CTDSP1: variants seen among roughly 807,000 people sequenced by gnomAD.
The protein encoded by CTDSP1 is CTD small phosphatase 1.
Under a neutral mutation model 32.5 loss-of-function variants are expected in CTDSP1, and 15 were observed. That is an observed-to-expected ratio of 0.46 (90% CI 0.31 to 0.71). CTDSP1 has a LOEUF of 0.71. CTDSP1 is among the 30% of genes least tolerant of loss of function. CTDSP1 has a pLI of 0.05. For synonymous variants in CTDSP1, 185 were observed against 145.4 expected, an observed-to-expected ratio of 1.27 and a Z score of -1.96; for missense variants, 294 against 351.1, an observed-to-expected ratio of 0.84 and a Z score of 1.30.
Position 218,404,301 on chromosome 2 carries a change from C to T in CTDSP1, c.662C>T (p.Pro221Leu). The T allele has an allele frequency of 1.9e-6, 3 of 1,614,052 alleles. No homozygotes were observed. Among genetic ancestry groups the T allele is most frequent in the Non-Finnish European group, 2.5e-6 (3 of 1,179,956 alleles). The change falls in exon 7 of 7, where the codon CCG becomes CTG. Residue 221 changes from proline to leucine, a missense_variant. Physicochemically the swap from Pro to Leu is moderately conservative, Grantham distance 98. Coordinates refer to ENST00000273062, the MANE Select transcript of CTDSP1 (RefSeq NM_021198.3). ...SYVFHPDNAVPVASWFDNMSD... is the reference protein window; with the variant it reads ...SYVFHPDNAVLVASWFDNMSD... ...TTCCTACACCCACTTCCCCAGGTAC[C>T]GGTGGCCTCGTGGTTTGACAACATG... is the stretch of plus-strand genomic sequence containing the variant.
chr2:218,397,626 A>T (rs962597113), upstream of CTDSP1, among the ~76,000 whole-genome samples: 9 of 152,176 alleles, frequency 5.9e-5, no homozygotes, highest in African/African-American at 2.2e-4. Context: ...GGCCCCCATG[A>T]TTTTATTTTT....
chr2:218,404,395 A>G lies in CTDSP1; in HGVS notation c.756A>G (p.Ser252=), dbSNP rs148495938. ...TCAGCCGTGTGGACGACGTGTACTC[A>G]GTGCTCAGGCAGCCACGGCCAGGGA... ...EQLSRVDDVY[S]VLRQPRPGS The change falls in exon 7 of 7, where the codon TCA becomes TCG. Residue 252 remains serine (S), a synonymous_variant. Coordinates refer to ENST00000273062, the MANE Select transcript of CTDSP1 (RefSeq NM_021198.3). 8.1e-6 allele frequency: 13 copies of G among 1,613,990 alleles called. No individual in the cohort carries two copies. The highest frequency in any genetic ancestry group is 1.7e-5 in the Admixed American group (1 of 59,992).
At chr2:218,396,945 G>A (rs536365857), upstream of CTDSP1, 3 of 152,550 alleles carry the variant, frequency 2.0e-5, no homozygotes, top group African/African-American at 7.2e-5. Flanking sequence ...CCCTGTGGCA[G>A]GATGCGGTGA....
chr2:218,400,039 G>A lies in CTDSP1; in HGVS notation c.-52G>A. 1 of 1,354,168 alleles carries A rather than the reference G, an allele frequency of 7.4e-7. No individual in the cohort carries two copies. The highest frequency in any genetic ancestry group is 9.5e-7 in the Non-Finnish European group (1 of 1,050,106). The allele number at this position is 1,354,168 out of a possible 1,614,324, so 83.9% of individuals were successfully genotyped here. ...CCCGATTCCGGCCCCAGCCGGGGGG[G>A]AGGCCGGGCGCCCGGGCCAGAGTCC... On this transcript the variant is annotated 5_prime_UTR_variant, in exon 1 of 7. Transcript: ENST00000273062.
Position 218,404,323 on chromosome 2 carries a change from C to T in CTDSP1, c.684C>T (p.Asn228=), listed in dbSNP as rs780367363. The change falls in exon 7 of 7, where the codon AAC becomes AAT. Residue 228 remains asparagine (N), a synonymous_variant. Coordinates refer to ENST00000273062, the MANE Select transcript of CTDSP1 (RefSeq NM_021198.3). The stretch of plus-strand genomic sequence containing the variant: ...TACCGGTGGCCTCGTGGTTTGACAA[C>T]ATGAGTGACACAGAGCTCCACGACC... ...NAVPVASWFD[N]MSDTELHDLL... is the part of the protein sequence containing the mutation. 9.9e-6 allele frequency: 16 copies of T among 1,614,208 alleles called. No individual in the cohort carries two copies. The East Asian group carries it at 3.6e-4, about 36-fold the overall frequency.
At chr2:218,398,922 C>T (rs951851460), upstream of CTDSP1, 3 of 152,586 alleles carry the variant, frequency 2.0e-5, no homozygotes, top group Non-Finnish European at 4.4e-5. Flanking sequence ...CGCCACAGGC[C>T]GGGTGGAACG....
At chr2:218,397,334 A>G (rs1029357433), upstream of CTDSP1, among the ~76,000 whole-genome samples, 6 of 152,086 alleles carry the variant, frequency 3.9e-5, no homozygotes, top group Non-Finnish European at 8.8e-5. Context: ...GCCTGGCCTC[A>G]AATCGACCCT....
chr2:218,398,168 C>G, upstream of CTDSP1: 1 of 538,242 alleles, frequency 1.9e-6, no homozygotes, highest in Admixed American at 3.4e-5. Flanking sequence ...GAGATAAAGC[C>G]GAGGCCCCAC....
chr2:218,397,653 T>A (rs1328877952), upstream of CTDSP1, among the ~76,000 whole-genome samples: 1 of 152,002 alleles, frequency 6.6e-6, no homozygotes, highest in Non-Finnish European at 1.5e-5. Flanking sequence ...GTGCGAATGA[T>A]AAAACAGACA....
At chr2:218,399,711 C>T (rs1200804771), upstream of CTDSP1, 1 of 993,196 alleles carries the variant, frequency 1.0e-6, no homozygotes, top group African/African-American at 1.7e-5. Context: ...GAGGCGACGC[C>T]CCCTGGAGCG....
chr2:218,399,595 G>A (rs1044923271), upstream of CTDSP1: 35 of 387,966 alleles, frequency 9.0e-5, no homozygotes, highest in Admixed American at 1.9e-4. Context: ...CGCTCCCGGC[G>A]GGCGGGCCTT....
chr2:218,402,344 C>G lies in CTDSP1; in HGVS notation c.322-5C>G. ...CCAACTCCAGCAGCTCTTTTCCCCC[C>G]ACAGCCAGTGAACAACGCGGACTTC... On this transcript the variant is annotated splice_polypyrimidine_tract_variant and splice_region_variant and intron_variant, in intron 3 of 6. Coordinates refer to ENST00000273062, the MANE Select transcript of CTDSP1 (RefSeq NM_021198.3). The G allele has an allele frequency of 3.1e-6, 5 of 1,614,038 alleles. No individual in the cohort carries two copies. The highest frequency in any genetic ancestry group is 1.1e-5 in the South Asian group (1 of 91,082).
In CTDSP1 at chr2:218,404,735, A is replaced by C; in HGVS notation, c.*310A>C. 1 of 305,108 alleles carries C rather than the reference A, an allele frequency of 3.3e-6. No individual in the cohort carries two copies. The highest frequency in any genetic ancestry group is 6.1e-6 in the Non-Finnish European group (1 of 162,694). 18.9% of individuals were successfully genotyped at this position (305,108 alleles called of 1,614,324 possible). On this transcript the variant is annotated 3_prime_UTR_variant, in exon 7 of 7. Coordinates refer to ENST00000273062, the MANE Select transcript of CTDSP1 (RefSeq NM_021198.3). ...TGCTGCCATGTTTCTCTGCTGCCAA[A>C]TTGGGCCCCTTGGCCCCTTCCGGTT...
chr2:218,403,181 T>C, intron 5 of CTDSP1, 51 bp from the exon 6 acceptor site: 1 of 1,612,756 alleles, frequency 6.2e-7, no homozygotes, highest in Non-Finnish European at 8.5e-7. Flanking sequence ...ACCTCCCGCA[T>C]GCAGCCCAAT....
At chr2:218,403,764 G>T (rs1697276093) in intron 6 of CTDSP1, 2 of 239,122 alleles carry the variant, frequency 8.4e-6, no homozygotes, top group East Asian at 1.8e-4. Flanking sequence ...AAATGAAATA[G>T]AATAGAAAAT....
At chr2:218,398,257 G>A (rs894367554), upstream of CTDSP1, 4 of 699,094 alleles carry the variant, frequency 5.7e-6, no homozygotes, top group Non-Finnish European at 7.2e-6. Context: ...CGGTAGACCC[G>A]AAGCACGTCG....
Position 218,400,557 on chromosome 2 carries a change from C to G in CTDSP1, c.67+400C>G, listed in dbSNP as rs186575073. 2,831 of 375,494 alleles carry G rather than the reference C, an allele frequency of 7.5e-3. 77 individuals are homozygous for G. Among genetic ancestry groups the G allele is most frequent in the African/African-American group, 0.056 (2,637 of 47,408 alleles). The allele number at this position is 375,494 out of a possible 1,614,324, so 23.3% of individuals were successfully genotyped here. ...CCGCCCCACCCCCCACCCCCACCCC[C>G]CCGGGCTGCGGTCCGGTAGGGTCTT... On this transcript the variant is annotated intron_variant, in intron 1 of 6. Transcript: ENST00000273062.
Position 218,403,430 on chromosome 2 carries a change from T to G in CTDSP1, c.657+13T>G. On this transcript the variant is annotated intron_variant, in intron 6 of 6. Coordinates refer to ENST00000273062, the MANE Select transcript of CTDSP1 (RefSeq NM_021198.3). ...TCCAGACAATGCTGTGAGTGCGGGC[T>G]GGACTGGGACTGGGACAGGAGCTGA... 1.3e-6 allele frequency: 2 copies of G among 1,575,154 alleles called. No individual in the cohort carries two copies. The highest frequency in any genetic ancestry group is 1.7e-6 in the Non-Finnish European group (2 of 1,159,860).
upstream of CTDSP1, chr2:218,398,261 C>T: frequency 1.4e-6 from 1 of 708,998 alleles, no homozygotes; most frequent in East Asian, 3.2e-5. Context: ...AGACCCGAAG[C>T]ACGTCGCTTC....
Sources: gnomAD v4.1 joint callset for allele counts (sites outside exome capture counted in the v4.1 genomes callset) on GRCh38, gnomAD v4.1.1 for gene constraint, MANE v1.5 for transcripts, NCBI Gene and HGNC (gene_info 2026-07-23, HGNC 2026-07-21) for gene names.